Variants in PKIB observed in about 807,000 individuals in gnomAD.
PKIB encodes the protein PKI-beta.
In PKIB, 2 loss-of-function variants were observed where a neutral mutation model predicts 4.5. The observed-to-expected ratio is 0.44, with a 90% CI of 0.18 to 1.39. PKIB has a LOEUF of 1.39. Ranked by LOEUF, PKIB falls within the 40% of genes most tolerant of loss-of-function variation. PKIB has a pLI of 0.27. For synonymous variants in PKIB, 38 were observed against 36.0 expected (o/e 1.06, Z -0.20); for missense variants, 94 against 92.6 (o/e 1.02, Z -0.06).
intron 2 of PKIB, among the ~76,000 whole-genome samples, chr6:122,638,881 A>G (rs1776026188): frequency 6.6e-6 from 1 of 152,180 alleles, no homozygotes; most frequent in East Asian, 1.9e-4. Context: ...GATGTGCCTA[A>G]AAGTGCCTGA....
intron 3 of PKIB, among the ~76,000 whole-genome samples, chr6:122,707,353 G>C (rs921155062): frequency 6.6e-6 from 1 of 151,824 alleles, no homozygotes; most frequent in African/African-American, 2.4e-5. Context: ...GCTCAAAAAG[G>C]CTTAATCATT....
chr6:122,576,707 TA>T lies in PKIB; in HGVS notation c.-247-9213del, dbSNP rs1212183177. 7.4e-4 allele frequency among the ~76,000 whole-genome samples: 86 copies of T among 116,192 alleles called. 5 individuals carry two copies. Among genetic ancestry groups the T allele is most frequent in the African/African-American group, 2.8e-3 (80 of 28,942 alleles). 76.2% of individuals were successfully genotyped at this position (116,192 alleles called of 152,430 possible). ...AAAAAAAAATATATATATATATATATATATTTTCTTTTGTATAATTATACCT... is the reference window on the plus strand; with the variant it reads ...AAAAAAAAATATATATATATATATATTATTTTCTTTTGTATAATTATACCT... On this transcript the variant is annotated intron_variant, in intron 2 of 6. Coordinates refer to the PKIB transcript ENST00000392491.
chr6:122,522,463 C>A (rs975963533), intron 2 of PKIB, among the ~76,000 whole-genome samples: 1 of 152,096 alleles, frequency 6.6e-6, no homozygotes, highest in Admixed American at 6.5e-5. Context: ...CAACAAAAAA[C>A]AACAAAAAAA....
intron 3 of PKIB, among the ~76,000 whole-genome samples, chr6:122,596,071 T>A (rs1774167206): frequency 6.6e-6 from 1 of 152,200 alleles, no homozygotes; most frequent in Non-Finnish European, 1.5e-5. Flanking sequence ...TGGCTATAGC[T>A]CCTGAATCAG....
chr6:122,472,225 A>G (rs1775324603), intron 1 of PKIB, among the ~76,000 whole-genome samples: 4 of 151,816 alleles, frequency 2.6e-5, no homozygotes, highest in Admixed American at 2.6e-4. Flanking sequence ...CATTTTTCCC[A>G]CGTTTGCATC....
chr6:122,531,015 A>AAT (rs1777239635), intron 2 of PKIB: 1 of 152,178 alleles, frequency 6.6e-6, no homozygotes, highest in African/African-American at 2.4e-5. Flanking sequence ...TTGTCAACTC[A>AAT]GTGTCTATGA....
At chr6:122,720,211 C>T (rs969595219) in intron 4 of PKIB, among the ~76,000 whole-genome samples, 1 of 152,056 alleles carries the variant, frequency 6.6e-6, no homozygotes, top group Non-Finnish European at 1.5e-5. Context: ...ATAAATATGC[C>T]TAAGTGGCAG....
rs1468385417 is a variant in PKIB, at chr6:122,478,794, A to AC, written c.-248+855_-248+856insC. 2.0e-5 allele frequency: 3 copies of AC among 152,194 alleles called. No homozygotes were observed. In the East Asian group the frequency reaches 5.8e-4, roughly 29 times the overall value. 9.4% of individuals were successfully genotyped at this position (152,194 alleles called of 1,614,324 possible). A position where few individuals can be genotyped will look rare whatever the true frequency, so the allele number is the denominator to read the frequency against. ...TTAAAATCTGGAGAAAGAAAACAAA[A>AC]AACAAAAAAAACTCCTGCAGCCAGC... On this transcript the variant is annotated intron_variant, in intron 2 of 6. Coordinates refer to the PKIB transcript ENST00000392491.
At chr6:122,628,344 CTTTCATTTAACA>C (rs1197005268) in intron 1 of PKIB, among the ~76,000 whole-genome samples, 2 of 151,978 alleles carry the variant, frequency 1.3e-5, no homozygotes, top group African/African-American at 4.8e-5. Context: ...GCCTCCAGTT[CTTTCATTTAACA>C]TTTATGAAAC....
upstream of PKIB, among the ~76,000 whole-genome samples, chr6:122,607,094 T>TA (rs979179692): frequency 2.7e-5 from 4 of 149,238 alleles, no homozygotes; most frequent in African/African-American, 9.8e-5. Flanking sequence ...AAAATAATAA[T>TA]AATAAATAAA....
upstream of PKIB, among the ~76,000 whole-genome samples, chr6:122,609,455 T>G (rs1163141809): frequency 6.7e-6 from 1 of 149,266 alleles, no homozygotes; most frequent in Non-Finnish European, 1.5e-5. Context: ...AATAAAATAT[T>G]AGTCTGATTA....
chr6:122,602,952 T>A (rs1774422548), intron 3 of PKIB, among the ~76,000 whole-genome samples: 1 of 94,286 alleles, frequency 1.1e-5, no homozygotes, highest in Non-Finnish European at 2.3e-5. Flanking sequence ...CAAGACTGCG[T>A]CTCAAAAAAA....
At chr6:122,635,859 A>T (rs996513471) in intron 2 of PKIB, among the ~76,000 whole-genome samples, 1 of 152,174 alleles carries the variant, frequency 6.6e-6, no homozygotes, top group Non-Finnish European at 1.5e-5. Flanking sequence ...TGTCATTAAA[A>T]TATAAAACTT....
intron 3 of PKIB, among the ~76,000 whole-genome samples, chr6:122,685,715 A>T (rs972989180): frequency 1.3e-5 from 2 of 152,146 alleles, no homozygotes; most frequent in Non-Finnish European, 2.9e-5. Flanking sequence ...GACTATAGTC[A>T]TCCTGTTGTG....
At chr6:122,645,404 G>A (rs1201534868) in intron 2 of PKIB, among the ~76,000 whole-genome samples, 1 of 152,206 alleles carries the variant, frequency 6.6e-6, no homozygotes. Flanking sequence ...AACCGAGCTA[G>A]TAGGCTGATT....
At chr6:122,555,416 T>C (rs1192451053) in intron 2 of PKIB, among the ~76,000 whole-genome samples, 1 of 151,492 alleles carries the variant, frequency 6.6e-6, no homozygotes, top group Non-Finnish European at 1.5e-5. Flanking sequence ...TTGAAGGAGG[T>C]TTTTGGCTAT....
chr6:122,580,270 T>A (rs1411825577), intron 2 of PKIB, among the ~76,000 whole-genome samples: 1 of 152,170 alleles, frequency 6.6e-6, no homozygotes, highest in Non-Finnish European at 1.5e-5. Context: ...TCTACTATCT[T>A]AAATTATAAA....
At chr6:122,703,935 T>TAGAGAG (rs1778940915) in intron 3 of PKIB, among the ~76,000 whole-genome samples, 1 of 128,574 alleles carries the variant, frequency 7.8e-6, no homozygotes, top group Non-Finnish European at 1.7e-5. Flanking sequence ...TATATATATA[T>TAGAGAG]ATATATAGAG....
At chr6:122,515,955 T>G (rs1402339640) in intron 2 of PKIB, among the ~76,000 whole-genome samples, 15 of 152,064 alleles carry the variant, frequency 9.9e-5, no homozygotes, top group Admixed American at 9.2e-4. Context: ...CCTTGTGATC[T>G]GCCCTCCTCG....
Sources: allele counts gnomAD v4.1 joint callset (sites outside exome capture counted in the v4.1 genomes callset), GRCh38; gene constraint gnomAD v4.1.1; transcripts MANE v1.5; gene names NCBI Gene and HGNC (gene_info 2026-07-23, HGNC 2026-07-21).